The following SETD7 variants were observed in gnomAD, a reference collection of about 807,000 sequenced individuals.
SETD7 encodes histone-lysine N-methyltransferase SETD7.
Under a neutral mutation model 41.8 loss-of-function variants are expected in SETD7, and 16 were observed. That is an observed-to-expected ratio of 0.38 (90% CI 0.26 to 0.58). SETD7 has a LOEUF of 0.58. Among genes scored for constraint, SETD7 ranks in the 20% least tolerant of loss-of-function variants. The pLI is 0.64. For missense variants in SETD7, 346 were observed against 459.7 expected (o/e 0.75, Z 2.26); for synonymous variants, 163 against 169.7 (o/e 0.96, Z 0.31).
At position 139,547,013 on chromosome 4, in the gene SETD7, C is replaced by A; in HGVS notation, c.77G>T (p.Cys26Phe). 6.2e-7 allele frequency: 1 copy of A among 1,613,868 alleles called. No individual in the cohort carries two copies. The highest frequency in any genetic ancestry group is 8.5e-7 in the Non-Finnish European group (1 of 1,179,884). The change falls in exon 2 of 8, where the codon TGC (cysteine) becomes TTC (phenylalanine). Residue 26 changes from cysteine (C) to phenylalanine (F), a missense_variant. Around this residue, in one of 3 missense-constraint regions of SETD7, gnomAD observed 266 missense variants for 377.0 expected, o/e 0.71. Coordinates refer to ENST00000274031, the MANE Select transcript of SETD7 (RefSeq NM_030648.4). ...LDDDGLPHGF[C>F]TVTYSSTDRF... ...GTCTGTGGAGGAGTAGGTGACTGTG[C>A]AGAACCCGTGCGGTAATCCGTCATC...
intron 2 of SETD7, among the ~76,000 whole-genome samples, chr4:139,535,375 C>T (rs1384682945): frequency 6.6e-6 from 1 of 152,048 alleles, no homozygotes; most frequent in Non-Finnish European, 1.5e-5. Context: ...ACTGGGTGTC[C>T]TGGATTTAAC....
intron 2 of SETD7, among the ~76,000 whole-genome samples, chr4:139,536,389 T>G (rs1263181421): frequency 6.6e-6 from 1 of 152,112 alleles, no homozygotes; most frequent in Non-Finnish European, 1.5e-5. Flanking sequence ...TAATGAATAC[T>G]CTGAAATCTC....
intron 7 of SETD7, among the ~76,000 whole-genome samples, chr4:139,514,594 T>C (rs1018316863): frequency 6.6e-6 from 1 of 152,202 alleles, no homozygotes; most frequent in Admixed American, 6.5e-5. Flanking sequence ...GCTTTTCCTG[T>C]CTGTGATCTC....
chr4:139,494,169 G>A (rs1726413484), downstream of SETD7, among the ~76,000 whole-genome samples: 1 of 152,186 alleles, frequency 6.6e-6, no homozygotes, highest in Non-Finnish European at 1.5e-5. Context: ...TGAAATAGAC[G>A]AGGCAAGTCT....
intron 2 of SETD7, among the ~76,000 whole-genome samples, chr4:139,544,483 T>G (rs1727878935): frequency 6.6e-6 from 1 of 152,150 alleles, no homozygotes; most frequent in Non-Finnish European, 1.5e-5. Context: ...TGCATTTGTC[T>G]GACACACTGG....
chr4:139,540,353 CATT>C (rs568219388), intron 2 of SETD7, among the ~76,000 whole-genome samples: 118 of 152,316 alleles, frequency 7.7e-4, no homozygotes, highest in Non-Finnish European at 1.4e-3. Flanking sequence ...CTCCTTTTAA[CATT>C]TCACAACTAT....
rs56132171 is a variant in SETD7 at position 139,517,475 on chromosome 4, CAAAAAAAAAAA to C, written c.920+399_920+409del. Among the ~76,000 whole-genome samples the C allele has an allele frequency of 2.2e-5, 3 of 134,078 alleles. No individual in the cohort carries two copies. In the East Asian group the frequency reaches 6.1e-4, roughly 27 times the overall value. The allele number at this position is 134,078 out of a possible 152,430, so 88.0% of individuals were successfully genotyped here. ...GGGCATCAAGAAGGAAAATCCATCT[CAAAAAAAAAAA>C]AAAAAAAAAAAAAAAAGGGCTCCTT... On this transcript the variant is annotated intron_variant, in intron 7 of 7. Transcript: ENST00000274031.
chr4:139,497,694 A>G (rs1426073784), intron 7 of SETD7, among the ~76,000 whole-genome samples: 4 of 151,092 alleles, frequency 2.6e-5, no homozygotes, highest in African/African-American at 4.9e-5. Context: ...GGTTCAAGCG[A>G]TTCTCCTGCC....
At position 139,511,751 on chromosome 4, in the gene SETD7, T is replaced by C; in HGVS notation, c.1013A>G (p.Asp338Gly). ...CCCACTCTTCCCGGGGGGGCTGTGG[T>C]CATAGCCATAGGCAACGGTGAGCTC... ...DEELTVAYGYDHSPPGKSGPE... is the reference protein window; with the variant it reads ...DEELTVAYGYGHSPPGKSGPE... The change falls in exon 8 of 8, where the codon GAC becomes GGC. Residue 338 changes from aspartate to glycine, a missense_variant. Physicochemically the swap from Asp to Gly is moderately conservative, Grantham distance 94 (BLOSUM62 -1). Coordinates refer to ENST00000274031, the MANE Select transcript of SETD7 (RefSeq NM_030648.4). 6.2e-7 allele frequency: 1 copy of C among 1,614,158 alleles called. No homozygotes were observed. The highest frequency in any genetic ancestry group is 8.5e-7 in the Non-Finnish European group (1 of 1,180,012).
At chr4:139,551,524 A>G (rs115498074) in intron 1 of SETD7, among the ~76,000 whole-genome samples, 3 of 152,332 alleles carry the variant, frequency 2.0e-5, no homozygotes, top group South Asian at 2.1e-4. Flanking sequence ...CCTGAATCTG[A>G]TAAGAGCCAG....
intron 7 of SETD7, among the ~76,000 whole-genome samples, chr4:139,513,750 T>C (rs1275978521): frequency 6.6e-6 from 1 of 152,202 alleles, no homozygotes; most frequent in Non-Finnish European, 1.5e-5. Context: ...ATGATAATAC[T>C]AGTAATAGTT....
chr4:139,498,758 T>G (rs1178197196), intron 7 of SETD7, among the ~76,000 whole-genome samples: 1 of 152,134 alleles, frequency 6.6e-6, no homozygotes, highest in Non-Finnish European at 1.5e-5. Context: ...GAACTATTTT[T>G]CCCCAAAGCC....
At position 139,511,415 on chromosome 4, in the gene SETD7, C is replaced by T. The variant is rs1726871149; in HGVS notation, c.*248G>A. ...TTAGACTTGAACCACCAAAGAACAT[C>T]ACGCTGTCTTATGTCAAATGCTCGA... On this transcript the variant is annotated 3_prime_UTR_variant, in exon 8 of 8. Coordinates refer to ENST00000274031, the MANE Select transcript of SETD7 (RefSeq NM_030648.4). 4.0e-6 allele frequency: 2 copies of T among 499,992 alleles called. No homozygotes were observed. Among genetic ancestry groups the T allele is most frequent in the African/African-American group, 2.0e-5 (1 of 50,050 alleles). 31.0% of individuals were successfully genotyped at this position (499,992 alleles called of 1,614,324 possible).
intron 2 of SETD7, 78 bp from the exon 3 acceptor site, chr4:139,533,444 A>G: frequency 8.1e-7 from 1 of 1,232,886 alleles, no homozygotes; most frequent in South Asian, 1.3e-5. Flanking sequence ...ATATCCAAGG[A>G]ACTGCATGCC....
chr4:139,508,629 G>A lies in SETD7; in HGVS notation c.*3034C>T, dbSNP rs1337063389. ...GATTACAGTGTCGCACACACACATA[G>A]GCTCCCGCTGTTTTTCAGGAGAGCA... is the stretch of plus-strand genomic sequence containing the variant. On this transcript the variant is annotated 3_prime_UTR_variant, in exon 8 of 8. Coordinates refer to ENST00000274031, the MANE Select transcript of SETD7 (RefSeq NM_030648.4). The A allele has an allele frequency of 6.6e-6, 1 of 152,142 alleles. No individual in the cohort carries two copies. Among genetic ancestry groups the A allele is most frequent in the Admixed American group, 6.5e-5 (1 of 15,278 alleles). The allele number at this position is 152,142 out of a possible 1,614,324, so 9.4% of individuals were successfully genotyped here.
At chr4:139,529,727 G>A (rs532499028) in intron 3 of SETD7, among the ~76,000 whole-genome samples, 8 of 152,274 alleles carry the variant, frequency 5.3e-5, no homozygotes, top group South Asian at 2.1e-4. Flanking sequence ...CAGTTCAAAT[G>A]TACTTAAGAA....
intron 4 of SETD7, among the ~76,000 whole-genome samples, chr4:139,526,333 G>A (rs890704023): frequency 5.3e-5 from 8 of 150,542 alleles, no homozygotes; most frequent in African/African-American, 2.0e-4. Flanking sequence ...GGAGTGCAGT[G>A]CACTCAGCTC....
rs532223495 is a variant in SETD7 at position 139,544,517 on chromosome 4, G to T, written c.170+2403C>A. On this transcript the variant is annotated intron_variant, in intron 2 of 7. Coordinates refer to ENST00000274031, the MANE Select transcript of SETD7 (RefSeq NM_030648.4). ...GGGGTAAGCGGATGAAGCTGTTTGG[G>T]GCTAGAAGTTACTAGCTGGATATGA... is the stretch of plus-strand genomic sequence containing the variant. Among the ~76,000 whole-genome samples the T allele has an allele frequency of 9.9e-5, 15 of 152,168 alleles. No homozygotes were observed. The South Asian group carries it at 2.7e-3, about 27-fold the overall frequency.
downstream of SETD7, chr4:139,505,998 G>A (rs1017361201): frequency 2.0e-5 from 3 of 152,566 alleles, no homozygotes; most frequent in Non-Finnish European, 4.4e-5. Context: ...AACCATTATT[G>A]CTTTTCTAAC....
Sources: gnomAD v4.1 joint callset for allele counts (sites outside exome capture counted in the v4.1 genomes callset) on GRCh38, gnomAD v4.1.1 for gene constraint, gnomAD v4.1.1 regional missense constraint, MANE v1.5 for transcripts, NCBI Gene and HGNC (gene_info 2026-07-23, HGNC 2026-07-21) for gene names.